RPS6KC1: variants seen among roughly 807,000 people sequenced by gnomAD.
RPS6KC1 encodes the protein inactive ribosomal protein S6 kinase delta-1.
A neutral mutation model predicts 103.8 loss-of-function variants in RPS6KC1; 54 were observed. That is an observed-to-expected ratio of 0.52 (90% CI 0.42 to 0.65). The LOEUF (loss-of-function observed/expected upper bound fraction) is 0.65. Among genes scored for constraint, RPS6KC1 ranks in the 30% least tolerant of loss-of-function variants. The pLI is 0.00. For synonymous variants in RPS6KC1, 439 were observed against 438.7 expected (o/e 1.00, Z -0.01); for missense variants, 1,151 against 1,253.8 (o/e 0.92, Z 1.24).
chr1:213,689,756 G>A, the RPS6KC1 span, among the ~76,000 whole-genome samples: 1 of 152,186 alleles, frequency 6.6e-6, no homozygotes, highest in Non-Finnish European at 1.5e-5. Context: ...TTGATCCCAG[G>A]ATTCTGTTGC....
chr1:213,331,934 T>C, the RPS6KC1 span, among the ~76,000 whole-genome samples: 1 of 152,012 alleles, frequency 6.6e-6, no homozygotes, highest in Non-Finnish European at 1.5e-5. Flanking sequence ...TTTGTGGATC[T>C]TCCCCTTCTG....
the RPS6KC1 span, among the ~76,000 whole-genome samples, chr1:213,329,346 T>A: frequency 1.3e-5 from 2 of 152,126 alleles, no homozygotes; most frequent in Admixed American, 6.5e-5. Flanking sequence ...AGCTTGGCTC[T>A]GGGCATTTTA....
intron 1 of RPS6KC1, among the ~76,000 whole-genome samples, chr1:213,070,455 A>G (rs1045933561): frequency 1.3e-5 from 2 of 152,234 alleles, no homozygotes; most frequent in African/African-American, 4.8e-5. Context: ...TTTTAGCCAA[A>G]TTAAATTTAA....
the RPS6KC1 span, among the ~76,000 whole-genome samples, chr1:213,579,247 C>A: frequency 6.6e-6 from 1 of 152,158 alleles, no homozygotes; most frequent in South Asian, 2.1e-4. Flanking sequence ...ATCCATTAAA[C>A]CTCTTTATCT....
the RPS6KC1 span, among the ~76,000 whole-genome samples, chr1:213,426,470 T>C: frequency 0.67 from 102,318 of 152,028 alleles, 34,932 homozygotes; most frequent in East Asian, 0.88. Context: ...CCTTCCCCCG[T>C]AACTAGAGTA....
At chr1:213,476,390 A>G in the RPS6KC1 span, among the ~76,000 whole-genome samples, 1 of 152,338 alleles carries the variant, frequency 6.6e-6, no homozygotes, top group African/African-American at 2.4e-5. Flanking sequence ...AGTTAAAGTC[A>G]TATCAGGTCA....
At chr1:213,509,286 T>C in the RPS6KC1 span, among the ~76,000 whole-genome samples, 1 of 152,032 alleles carries the variant, frequency 6.6e-6, no homozygotes, top group Non-Finnish European at 1.5e-5. Context: ...GTTCTGTCTT[T>C]ACCTGTCTTT....
intron 8 of RPS6KC1, among the ~76,000 whole-genome samples, chr1:213,212,680 T>G (rs916821040): frequency 2.6e-5 from 4 of 152,212 alleles, no homozygotes; most frequent in Non-Finnish European, 5.9e-5. Context: ...AAAGTGGATG[T>G]GTTATTTTGC....
At chr1:213,151,348 A>G (rs1231159775) in intron 6 of RPS6KC1, among the ~76,000 whole-genome samples, 1,835 of 28,478 alleles carry the variant, frequency 0.064, no homozygotes, top group African/African-American at 0.069. Flanking sequence ...GCGGGGGGCT[A>G]ACCCCCCCAC....
At chr1:213,655,018 A>G in the RPS6KC1 span, among the ~76,000 whole-genome samples, 2 of 152,116 alleles carry the variant, frequency 1.3e-5, no homozygotes, top group South Asian at 2.1e-4. Context: ...TTGCCTTTCA[A>G]GATCATGGTA....
At chr1:213,226,710 G>T (rs867962525) in intron 8 of RPS6KC1, among the ~76,000 whole-genome samples, 1 of 152,016 alleles carries the variant, frequency 6.6e-6, no homozygotes, top group African/African-American at 2.4e-5. Context: ...CTTCCTAACT[G>T]CCCTAACCAG....
At chr1:213,763,996 G>A in the RPS6KC1 span, among the ~76,000 whole-genome samples, 10 of 152,184 alleles carry the variant, frequency 6.6e-5, no homozygotes, top group African/African-American at 1.9e-4. Context: ...ATACGAATCC[G>A]TTATTGGCCC....
chr1:213,180,551 A>G (rs577467030), intron 8 of RPS6KC1, among the ~76,000 whole-genome samples: 5 of 152,206 alleles, frequency 3.3e-5, no homozygotes, highest in Non-Finnish European at 5.9e-5. Context: ...TTGGGATGCT[A>G]TAGAATGAAC....
chr1:213,502,790 T>C, the RPS6KC1 span, among the ~76,000 whole-genome samples: 1 of 152,166 alleles, frequency 6.6e-6, no homozygotes, highest in African/African-American at 2.4e-5. Context: ...GGTGACAGAA[T>C]CATGGATCAG....
intron 3 of RPS6KC1, 82 bp downstream of exon 3, chr1:213,077,898 A>G: frequency 1.5e-6 from 1 of 674,256 alleles, no homozygotes; most frequent in Non-Finnish European, 2.2e-6. Flanking sequence ...CTACACTATG[A>G]AGTCAGAAGC....
the RPS6KC1 span, among the ~76,000 whole-genome samples, chr1:213,594,380 G>T: frequency 6.6e-6 from 1 of 152,168 alleles, no homozygotes; most frequent in Non-Finnish European, 1.5e-5. Flanking sequence ...ATAATGTTTT[G>T]GATAGAGGGG....
chr1:213,484,949 A>G, the RPS6KC1 span, among the ~76,000 whole-genome samples: 3 of 152,158 alleles, frequency 2.0e-5, no homozygotes, highest in Non-Finnish European at 2.9e-5. Context: ...TGCAACCTCC[A>G]CTTCCTAGGC....
the RPS6KC1 span, among the ~76,000 whole-genome samples, chr1:213,329,459 G>A: frequency 6.6e-6 from 1 of 152,178 alleles, no homozygotes; most frequent in South Asian, 2.1e-4. Flanking sequence ...GACTTTTGGA[G>A]AATGGCAGTT....
At chr1:213,731,954 A>T in the RPS6KC1 span, among the ~76,000 whole-genome samples, 1 of 152,206 alleles carries the variant, frequency 6.6e-6, no homozygotes, top group East Asian at 1.9e-4. Context: ...ACAAAATAGT[A>T]TCTAGAATAC....
Sources: gnomAD v4.1 joint callset for allele counts (sites outside exome capture counted in the v4.1 genomes callset) on GRCh38, gnomAD v4.1.1 for gene constraint, MANE v1.5 for transcripts, NCBI Gene and HGNC (gene_info 2026-07-23, HGNC 2026-07-21) for gene names.